Variants in MYRIP observed in about 807,000 individuals in gnomAD.
The protein encoded by MYRIP is rab effector MyRIP.
MYRIP carries 49 observed loss-of-function variants against 98.0 expected under a neutral mutation model. The ratio of observed to expected loss-of-function variants is 0.50; its 90% CI spans 0.40 to 0.63. The LOEUF is 0.63. Among genes scored for constraint, MYRIP ranks in the 30% least tolerant of loss-of-function variants. MYRIP has a pLI of 0.00. For missense variants in MYRIP, 1,004 were observed against 1,058.2 expected, an observed-to-expected ratio of 0.95 and a Z score of 0.71; for synonymous variants, 404 against 409.5, an observed-to-expected ratio of 0.99 and a Z score of 0.16.
intron 4 of MYRIP, among the ~76,000 whole-genome samples, chr3:40,158,987 C>T (rs1157373668): frequency 2.0e-5 from 3 of 151,682 alleles, no homozygotes; most frequent in Admixed American, 1.3e-4. Context: ...GCATTTAGTC[C>T]GTTTACATTT....
chr3:40,107,844 G>A (rs1949078576), intron 3 of MYRIP, among the ~76,000 whole-genome samples: 1 of 152,202 alleles, frequency 6.6e-6, no homozygotes, highest in Non-Finnish European at 1.5e-5. Context: ...CAAGGTAATG[G>A]GAGGTGAGTC....
At chr3:39,849,952 T>G (rs963264226) in intron 1 of MYRIP, among the ~76,000 whole-genome samples, 6 of 152,200 alleles carry the variant, frequency 3.9e-5, no homozygotes, top group African/African-American at 1.2e-4. Context: ...AAGTTCGGAT[T>G]TATAACTTAG....
intron 1 of MYRIP, among the ~76,000 whole-genome samples, chr3:39,873,828 T>C (rs1942887402): frequency 1.3e-5 from 2 of 152,112 alleles, no homozygotes; most frequent in Admixed American, 1.3e-4. Context: ...GTGGGCCCTT[T>C]TTTGGTTCCA....
At chr3:40,081,273 A>G (rs1948473641) in intron 3 of MYRIP, among the ~76,000 whole-genome samples, 1 of 152,086 alleles carries the variant, frequency 6.6e-6, no homozygotes, top group Non-Finnish European at 1.5e-5. Flanking sequence ...TGCTGCTCAA[A>G]TCTTCTATAT....
intron 1 of MYRIP, among the ~76,000 whole-genome samples, chr3:39,871,256 C>A (rs1393799058): frequency 6.6e-6 from 1 of 152,160 alleles, no homozygotes; most frequent in Non-Finnish European, 1.5e-5. Context: ...TTTGGTTTAG[C>A]CAAGGGCTTC....
chr3:39,959,530 G>C (rs1197301410), intron 2 of MYRIP, among the ~76,000 whole-genome samples: 2 of 152,032 alleles, frequency 1.3e-5, no homozygotes, highest in African/African-American at 4.8e-5. Flanking sequence ...TCATGGGGTA[G>C]GGGGAGCAGG....
rs368032421 is a variant in MYRIP at position 39,962,840 on chromosome 3, G to A, written c.110+61914G>A. Among the ~76,000 whole-genome samples, 8 of 152,208 alleles carry A rather than the reference G, an allele frequency of 5.3e-5. No homozygotes were observed. In the East Asian group the frequency reaches 1.5e-3, roughly 29 times the overall value. On this transcript the variant is annotated intron_variant, in intron 2 of 16. Coordinates refer to ENST00000302541, the MANE Select transcript of MYRIP (RefSeq NM_015460.4). ...CTGCCAGCCCATTCTTGGCCAAGAT[G>A]CTGGATTTGGAAGCCAAGATTCACT...
chr3:40,110,825 G>A (rs1297600099), intron 3 of MYRIP, among the ~76,000 whole-genome samples: 1 of 151,332 alleles, frequency 6.6e-6, no homozygotes, highest in Non-Finnish European at 1.5e-5. Context: ...TTCTCTCTCT[G>A]TAATTATTCT....
intron 1 of MYRIP, among the ~76,000 whole-genome samples, chr3:39,870,550 T>C (rs1942756322): frequency 6.6e-6 from 1 of 152,222 alleles, no homozygotes; most frequent in South Asian, 2.1e-4. Context: ...TTTACTTTTC[T>C]GTCTGTTTTA....
intron 7 of MYRIP, among the ~76,000 whole-genome samples, chr3:40,169,310 A>G (rs991809946): frequency 2.0e-5 from 3 of 152,140 alleles, no homozygotes; most frequent in African/African-American, 7.2e-5. Flanking sequence ...GCCTAAAGGA[A>G]CATTGGAGAA....
chr3:40,054,498 T>C (rs1025814299), intron 3 of MYRIP, among the ~76,000 whole-genome samples: 1 of 152,152 alleles, frequency 6.6e-6, no homozygotes, highest in African/African-American at 2.4e-5. Flanking sequence ...GTGAAAATAT[T>C]TTTTAGATAA....
chr3:40,134,409 C>A (rs946912010), intron 3 of MYRIP, among the ~76,000 whole-genome samples: 8 of 152,256 alleles, frequency 5.3e-5, no homozygotes, highest in Admixed American at 1.3e-4. Flanking sequence ...GTGGAGCTCA[C>A]CACAGCTCAA....
At chr3:40,246,226 C>T (rs1251381526) in intron 13 of MYRIP, among the ~76,000 whole-genome samples, 1 of 151,656 alleles carries the variant, frequency 6.6e-6, no homozygotes, top group Non-Finnish European at 1.5e-5. Context: ...GAGACAGAAA[C>T]CACAGTAGGA....
intron 3 of MYRIP, among the ~76,000 whole-genome samples, chr3:40,148,102 C>G (rs553252926): frequency 5.3e-5 from 8 of 152,286 alleles, no homozygotes; most frequent in African/African-American, 1.9e-4. Context: ...AATCTATGCT[C>G]TACTGTCTTC....
At chr3:40,114,889 T>C (rs540066811) in intron 3 of MYRIP, among the ~76,000 whole-genome samples, 79 of 152,206 alleles carry the variant, frequency 5.2e-4, no homozygotes, top group Non-Finnish European at 1.0e-3. Context: ...TTTCTAGAAA[T>C]ATGTGATATA....
intron 1 of MYRIP, among the ~76,000 whole-genome samples, chr3:39,882,787 A>G (rs1405341154): frequency 1.3e-5 from 2 of 152,144 alleles, no homozygotes; most frequent in Non-Finnish European, 2.9e-5. Context: ...TTGCTATTAC[A>G]TACTTTGAAT....
intron 2 of MYRIP, among the ~76,000 whole-genome samples, chr3:39,925,206 C>T (rs1944394917): frequency 6.6e-6 from 1 of 151,118 alleles, no homozygotes; most frequent in East Asian, 1.9e-4. Flanking sequence ...TTCAGCAAGA[C>T]TCACAAGGGA....
intron 12 of MYRIP, among the ~76,000 whole-genome samples, chr3:40,237,241 ATCTG>A (rs1190455352): frequency 1.3e-5 from 2 of 152,158 alleles, no homozygotes; most frequent in East Asian, 3.9e-4. Context: ...CTATGCATGT[ATCTG>A]TCTGTTCACT....
chr3:40,071,147 T>C (rs1369605241), intron 3 of MYRIP: 1 of 985,316 alleles, frequency 1.0e-6, no homozygotes, highest in Non-Finnish European at 1.2e-6. Flanking sequence ...GTAGGAGCCA[T>C]CTCCCTGACT....
Sources: allele counts gnomAD v4.1 joint callset (sites outside exome capture counted in the v4.1 genomes callset), GRCh38; gene constraint gnomAD v4.1.1; transcripts MANE v1.5; gene names NCBI Gene and HGNC (gene_info 2026-07-23, HGNC 2026-07-21).